MCF2L2: variants seen among roughly 807,000 people sequenced by gnomAD.
MCF2L2 encodes the protein MCF.2 cell line derived transforming sequence-like 2.
MCF2L2 carries 102 observed loss-of-function variants against 150.2 expected under a neutral mutation model. The ratio of observed to expected loss-of-function variants is 0.68; its 90% CI spans 0.58 to 0.80. The LOEUF is 0.80. Among genes scored for constraint, MCF2L2 ranks in the 30% least tolerant of loss-of-function variants. The pLI is 0.00. For missense variants in MCF2L2, 1,256 were observed against 1,372.8 expected (o/e 0.91, Z 1.34); for synonymous variants, 465 against 491.3 (o/e 0.95, Z 0.71).
At chr3:183,327,368 C>T (rs1445040350) in intron 5 of MCF2L2, among the ~76,000 whole-genome samples, 1 of 151,858 alleles carries the variant, frequency 6.6e-6, no homozygotes, top group African/African-American at 2.4e-5. Flanking sequence ...AAAACCTAAC[C>T]AATAGGCCAG....
intron 3 of MCF2L2, among the ~76,000 whole-genome samples, chr3:183,362,241 A>G (rs1712256772): frequency 6.6e-6 from 1 of 151,976 alleles, no homozygotes; most frequent in East Asian, 1.9e-4. Flanking sequence ...AGCAGCTGGG[A>G]CTACAGGTGC....
At chr3:183,255,807 TA>T (rs543086878) in intron 15 of MCF2L2, among the ~76,000 whole-genome samples, 8,416 of 134,120 alleles carry the variant, frequency 0.063, 253 homozygotes, top group South Asian at 0.12. Flanking sequence ...GGTGAGATTG[TA>T]AAAAAAAAAA....
At chr3:183,395,880 T>G (rs1337100471) in intron 1 of MCF2L2, among the ~76,000 whole-genome samples, 3 of 136,780 alleles carry the variant, frequency 2.2e-5, no homozygotes, top group Non-Finnish European at 4.5e-5. Context: ...ATCATGCCAC[T>G]GCACTCCAGC....
chr3:183,210,185 G>A (rs185932181), intron 22 of MCF2L2, among the ~76,000 whole-genome samples: 8 of 152,288 alleles, frequency 5.3e-5, no homozygotes, highest in Admixed American at 4.6e-4. Flanking sequence ...GAGGCAGGAG[G>A]ATCACTTGAG....
chr3:183,349,975 T>G (rs930285997), intron 3 of MCF2L2, among the ~76,000 whole-genome samples: 1 of 152,142 alleles, frequency 6.6e-6, no homozygotes, highest in African/African-American at 2.4e-5. Context: ...TAGCAAATAT[T>G]AGATCGTTTA....
At chr3:183,223,587 T>C in intron 19 of MCF2L2, 149 bp from the exon 20 acceptor site, 1 of 626,308 alleles carries the variant, frequency 1.6e-6, no homozygotes, top group Non-Finnish European at 2.9e-6. Flanking sequence ...GTGGGGTTGT[T>C]CTTTCCCCTA....
At chr3:183,409,125 C>A (rs894785796) in intron 1 of MCF2L2, among the ~76,000 whole-genome samples, 1 of 152,168 alleles carries the variant, frequency 6.6e-6, no homozygotes, top group Non-Finnish European at 1.5e-5. Context: ...AAAGTAAATC[C>A]TCTAGCTTTA....
chr3:183,337,163 T>C (rs1226019845), intron 5 of MCF2L2, among the ~76,000 whole-genome samples: 1 of 152,222 alleles, frequency 6.6e-6, no homozygotes, highest in Non-Finnish European at 1.5e-5. Flanking sequence ...AACTTGTATA[T>C]ACTTTTCCGC....
chr3:183,274,971 T>C (rs1727076828), intron 15 of MCF2L2, among the ~76,000 whole-genome samples: 1 of 152,134 alleles, frequency 6.6e-6, no homozygotes, highest in Admixed American at 6.5e-5. Flanking sequence ...CTTGGTTTTT[T>C]TTTTTTTATC....
At chr3:183,203,281 C>T (rs892891392) in intron 25 of MCF2L2, among the ~76,000 whole-genome samples, 1 of 151,782 alleles carries the variant, frequency 6.6e-6, no homozygotes, top group African/African-American at 2.4e-5. Flanking sequence ...TTTACTAGAC[C>T]AATACTTTAA....
intron 15 of MCF2L2, among the ~76,000 whole-genome samples, chr3:183,239,058 A>G (rs559511860): frequency 1.3e-5 from 2 of 152,084 alleles, no homozygotes; most frequent in East Asian, 3.9e-4. Context: ...TCAAGTGTAT[A>G]TCATGCAGAT....
chr3:183,270,001 C>T lies in MCF2L2; in HGVS notation c.1862+6871G>A, dbSNP rs1317162382. 1 of 1,614,110 alleles carries T rather than the reference C, an allele frequency of 6.2e-7. No homozygotes were observed. The highest frequency in any genetic ancestry group is 8.5e-7 in the Non-Finnish European group (1 of 1,180,020). ...GATACCCTGTCTCTTAAGCACACCT[C>T]AGCGGGGCCTCGCTACCAATACTTG... On this transcript the variant is annotated intron_variant, in intron 15 of 29. Coordinates refer to ENST00000328913, the MANE Select transcript of MCF2L2 (RefSeq NM_015078.4). The surrounding 1 kb of genome is among the most constrained non-coding windows in gnomAD (Gnocchi z 4.5).
Position 183,330,040 on chromosome 3 carries a change from G to A in MCF2L2, c.487-6689C>T, listed in dbSNP as rs188584154. On this transcript the variant is annotated intron_variant, in intron 5 of 29. Transcript: ENST00000328913. ...GTTTGAGCCCAGGAGTTCAAGGCCA[G>A]CATGGGCAATACAAGGAAACCCCTG... Among the ~76,000 whole-genome samples, 34 of 151,816 alleles carry A rather than the reference G, an allele frequency of 2.2e-4. 1 individual carries two copies. The East Asian group carries it at 5.6e-3, about 25-fold the overall frequency.
intron 6 of MCF2L2, among the ~76,000 whole-genome samples, chr3:183,320,148 A>G (rs57763765): frequency 0.14 from 20,956 of 147,416 alleles, 1,614 homozygotes; most frequent in African/African-American, 0.2. Context: ...GCTGGAGTGC[A>G]GTGGCGCGAT....
chr3:183,191,122 C>A (rs1721875125), intron 27 of MCF2L2, among the ~76,000 whole-genome samples: 2 of 151,990 alleles, frequency 1.3e-5, no homozygotes, highest in Admixed American at 1.3e-4. Context: ...GTGATCCGCC[C>A]ACCTCGGCCT....
chr3:183,204,832 T>C (rs1302478110), intron 25 of MCF2L2, among the ~76,000 whole-genome samples: 1 of 152,100 alleles, frequency 6.6e-6, no homozygotes, highest in Non-Finnish European at 1.5e-5. Context: ...TAAAAAGGTA[T>C]GAAGTACTGA....
chr3:183,357,112 T>C (rs11708014), intron 3 of MCF2L2, among the ~76,000 whole-genome samples: 61,703 of 151,898 alleles, frequency 0.41, 14,072 homozygotes, highest in African/African-American at 0.62. Flanking sequence ...TTATCAAAAA[T>C]AAAACAGAGG....
rs376880394 is a variant in MCF2L2 at position 183,266,567 on chromosome 3, G to C, written c.1862+10305C>G. ...TGTTTTGGGGCTTCAGAGGATGGTT[G>C]TTATCTGGATGAGCACTGTGGAAAG... On this transcript the variant is annotated intron_variant, in intron 15 of 29. Coordinates refer to ENST00000328913, the MANE Select transcript of MCF2L2 (RefSeq NM_015078.4). Among the ~76,000 whole-genome samples, 85 of 152,362 alleles carry C rather than the reference G, an allele frequency of 5.6e-4. No homozygotes were observed. The South Asian group carries it at 8.9e-3, about 16-fold the overall frequency.
chr3:183,269,444 A>G (rs16857223), intron 15 of MCF2L2: 4,030 of 199,956 alleles, frequency 0.02, 179 homozygotes, highest in African/African-American at 0.087. Flanking sequence ...GTTTCTTTCC[A>G]GCACCTTAGT....
Sources: allele counts gnomAD v4.1 joint callset (sites outside exome capture counted in the v4.1 genomes callset), GRCh38; gene constraint gnomAD v4.1.1; non-coding constraint Gnocchi (gnomAD v3.1); transcripts MANE v1.5; gene names NCBI Gene and HGNC (gene_info 2026-07-23, HGNC 2026-07-21).